Variants in VPS8 observed in about 807,000 individuals in gnomAD.
VPS8 encodes VPS8 subunit of CORVET complex, also known as vacuolar protein sorting-associated protein 8 homolog.
Under a neutral mutation model 216.4 loss-of-function variants are expected in VPS8, and 129 were observed. The observed-to-expected ratio is 0.60, with a 90% CI of 0.52 to 0.69. VPS8 has a LOEUF of 0.69. Ranked by LOEUF, VPS8 falls within the 30% of genes least tolerant of loss-of-function variation. The probability of loss-of-function intolerance (pLI) is 0.00; values close to 1 mark genes in which losing one functional copy is unlikely to be tolerated. For synonymous variants in VPS8, 571 were observed against 565.4 expected (o/e 1.01, Z -0.14); for missense variants, 1,531 against 1,683.5 (o/e 0.91, Z 1.59).
At position 184,928,920 on chromosome 3, in the gene VPS8, A is replaced by T. The variant is rs554372463; in HGVS notation, c.2714+387A>T. Among the ~76,000 whole-genome samples the T allele has an allele frequency of 5.3e-5, 8 of 152,264 alleles. No individual in the cohort carries two copies. The South Asian group carries it at 1.7e-3, about 32-fold the overall frequency. ...GATATGATCACATTGCTACTTACCTAGTATGCTGTATTTATATGACATGTA... is the reference window on the plus strand; with the variant it reads ...GATATGATCACATTGCTACTTACCTTGTATGCTGTATTTATATGACATGTA... On this transcript the variant is annotated intron_variant, in intron 32 of 47. Transcript: ENST00000625842.
At chr3:184,905,273 T>G (rs1473794521) in intron 25 of VPS8, among the ~76,000 whole-genome samples, 1 of 151,066 alleles carries the variant, frequency 6.6e-6, no homozygotes, top group African/African-American at 2.5e-5. Flanking sequence ...TTTAGTTTCT[T>G]TGTTTGTTGG....
intron 45 of VPS8, 66 bp from the exon 46 acceptor site, chr3:185,024,270 A>G (rs2110076190): frequency 7.2e-7 from 1 of 1,380,214 alleles, no homozygotes; most frequent in Non-Finnish European, 1.0e-6. Flanking sequence ...AATTATTTTG[A>G]ATGTGGGTCA....
intron 28 of VPS8, among the ~76,000 whole-genome samples, chr3:184,918,357 C>T (rs1737982342): frequency 6.6e-6 from 1 of 152,208 alleles, no homozygotes; most frequent in Non-Finnish European, 1.5e-5. Context: ...AGATGACTTA[C>T]AACTTGGGTT....
rs570258498 is a variant in VPS8, at chr3:184,827,703, C to T, written c.222+1472C>T. 6.6e-5 allele frequency among the ~76,000 whole-genome samples: 10 copies of T among 152,308 alleles called. No homozygotes were observed. The South Asian group carries it at 1.2e-3, about 19-fold the overall frequency. ...TGTTCCTGCACAACAACTTTCTTAT[C>T]TGTGAGTAACAGTAAGTATAGTCAT... On this transcript the variant is annotated intron_variant, in intron 3 of 47. Transcript: ENST00000625842.
At chr3:184,839,028 G>T in intron 6 of VPS8, 1 of 298,062 alleles carries the variant, frequency 3.4e-6, no homozygotes. Flanking sequence ...AAGTAAATTT[G>T]CTTCTTCTGT....
chr3:184,981,600 AT>A (rs1474207117), intron 40 of VPS8, among the ~76,000 whole-genome samples: 4 of 151,284 alleles, frequency 2.6e-5, no homozygotes, highest in African/African-American at 9.7e-5. Context: ...CGCCTGGCTA[AT>A]TTTTTTGTAT....
Position 184,824,657 on chromosome 3 carries a change from A to C in VPS8, c.25A>C (p.Asn9His). The C allele has an allele frequency of 6.2e-7, 1 of 1,613,942 alleles. No individual in the cohort carries two copies. Among genetic ancestry groups the C allele is most frequent in the Middle Eastern group, 1.7e-4 (1 of 6,060 alleles). The change falls in exon 2 of 48, where the codon AAT becomes CAT. Residue 9 changes from asparagine (N) to histidine (H), a missense_variant. Transcript: ENST00000625842. The part of the protein sequence containing the change: MENEPDHE[N>H]VEQSLCAKTS... ...TATGGAAAATGAACCAGACCATGAAAATGTGGAACAGAGCCTCTGTGCCAA... is the reference window on the plus strand; with the variant it reads ...TATGGAAAATGAACCAGACCATGAACATGTGGAACAGAGCCTCTGTGCCAA...
chr3:184,988,011 G>A (rs1751373305), intron 42 of VPS8, among the ~76,000 whole-genome samples: 2 of 152,236 alleles, frequency 1.3e-5, no homozygotes, highest in South Asian at 2.1e-4. Flanking sequence ...TTTTTGAAGT[G>A]TTTGTTTTCT....
At chr3:184,967,091 C>T (rs1747544816) in intron 39 of VPS8, among the ~76,000 whole-genome samples, 1 of 152,036 alleles carries the variant, frequency 6.6e-6, no homozygotes, top group Non-Finnish European at 1.5e-5. Flanking sequence ...CTCACCCTCC[C>T]AAGTAGCTGG....
Position 184,898,628 on chromosome 3 carries a change from A to G in VPS8, c.2068A>G (p.Met690Val). 7.1e-6 allele frequency: 11 copies of G among 1,553,856 alleles called. No homozygotes were observed. Among genetic ancestry groups the G allele is most frequent in the Non-Finnish European group, 9.6e-6 (11 of 1,147,878 alleles). Reference sequence around the variant, plus strand: ...TATGATCTATGTCTACAACAGAGGCATGAATGAATTTATTAGTCCAATGGA... The same window carrying G: ...TATGATCTATGTCTACAACAGAGGCGTGAATGAATTTATTAGTCCAATGGA... The part of the protein sequence containing the change: ...DAMIYVYNRG[M>V]NEFISPMEKL... The change falls in exon 24 of 48, where the codon ATG (methionine) becomes GTG (valine). Residue 690 changes from methionine to valine, a missense_variant. Coordinates refer to ENST00000625842, the MANE Select transcript of VPS8 (RefSeq NM_001009921.3).
At position 184,852,548 on chromosome 3, in the gene VPS8, G is replaced by C; in HGVS notation, c.802G>C (p.Val268Leu). The C allele has an allele frequency of 6.2e-7, 1 of 1,613,588 alleles. No individual in the cohort carries two copies. The highest frequency in any genetic ancestry group is 2.2e-5 in the East Asian group (1 of 44,858). Residue 268 changes from valine to leucine, a missense_variant, in exon 11 of 48, where the codon GTT becomes CTT. By Grantham distance (32) the Val-to-Leu change is conservative (BLOSUM62 1). Around this residue, in one of 3 missense-constraint regions of VPS8, gnomAD observed 1,318 missense variants for 1,468.4 expected, o/e 0.90. Coordinates refer to ENST00000625842, the MANE Select transcript of VPS8 (RefSeq NM_001009921.3). ...AATTTGCAACGACAGCGGAGGCTCT[G>C]TTTTTGAATTGACATTTAAGTAAGA... ...LAICNDSGGS[V>L]FELTFKRVMG...
intron 21 of VPS8, among the ~76,000 whole-genome samples, chr3:184,874,953 A>G (rs1728979317): frequency 1.3e-5 from 2 of 152,152 alleles, no homozygotes; most frequent in Non-Finnish European, 2.9e-5. Flanking sequence ...TCAGTTTAAA[A>G]TGACCTACTT....
intron 21 of VPS8, among the ~76,000 whole-genome samples, chr3:184,873,683 C>T (rs565170308): frequency 2.4e-4 from 36 of 152,124 alleles, no homozygotes; most frequent in Non-Finnish European, 5.0e-4. Flanking sequence ...ATTTTCATGA[C>T]CACAGAGAAT....
chr3:184,991,525 A>G (rs1026610573), intron 42 of VPS8, among the ~76,000 whole-genome samples: 10 of 152,198 alleles, frequency 6.6e-5, no homozygotes, highest in African/African-American at 1.7e-4. Flanking sequence ...GAAATGACCT[A>G]TAGAGATTTC....
At chr3:184,901,468 T>A (rs914242608) in intron 25 of VPS8, 12 of 152,236 alleles carry the variant, frequency 7.9e-5, no homozygotes, top group African/African-American at 2.9e-4. Flanking sequence ...AATATAATGC[T>A]GCTACAACAT....
At chr3:184,942,926 C>T (rs980071902) in intron 36 of VPS8, among the ~76,000 whole-genome samples, 1 of 151,924 alleles carries the variant, frequency 6.6e-6, no homozygotes, top group Non-Finnish European at 1.5e-5. Flanking sequence ...GGTTGAGTGC[C>T]GAGGGAGTAA....
intron 23 of VPS8, among the ~76,000 whole-genome samples, chr3:184,896,611 A>G (rs946617690): frequency 1.5e-4 from 23 of 152,244 alleles, no homozygotes; most frequent in Middle Eastern, 3.4e-3. Context: ...GTATTTTTCA[A>G]TCCTTATTTT....
chr3:185,033,239 C>T (rs1011011658), intron 46 of VPS8, among the ~76,000 whole-genome samples: 4 of 152,248 alleles, frequency 2.6e-5, no homozygotes, highest in African/African-American at 9.6e-5. Flanking sequence ...ATTACACCGT[C>T]ATACAGAATA....
Position 184,826,302 on chromosome 3 carries a change from C to G in VPS8, c.222+71C>G. On this transcript the variant is annotated intron_variant, in intron 3 of 47. Coordinates refer to ENST00000625842, the MANE Select transcript of VPS8 (RefSeq NM_001009921.3). Reference sequence around the variant, plus strand: ...TCTTAATACTTTTTGGATTAGTTATCATACATGCACCTAGATGCGCACTTT... The same window carrying G: ...TCTTAATACTTTTTGGATTAGTTATGATACATGCACCTAGATGCGCACTTT... 3 of 1,251,458 alleles carry G rather than the reference C, an allele frequency of 2.4e-6. No individual in the cohort carries two copies. In the African/African-American group the frequency reaches 4.5e-5, roughly 19 times the overall value. The allele number at this position is 1,251,458 out of a possible 1,614,324, so 77.5% of individuals were successfully genotyped here.
Sources: allele counts gnomAD v4.1 joint callset (sites outside exome capture counted in the v4.1 genomes callset), GRCh38; gene constraint gnomAD v4.1.1; regional missense constraint gnomAD v4.1.1; transcripts MANE v1.5; gene names NCBI Gene and HGNC (gene_info 2026-07-23, HGNC 2026-07-21).